The following RUNDC3B variants were observed in gnomAD, a reference collection of about 807,000 sequenced individuals.
RUNDC3B encodes RUN domain-containing protein 3B.
A neutral mutation model predicts 58.4 loss-of-function variants in RUNDC3B; 33 were observed. The observed-to-expected ratio is 0.56, with a 90% CI of 0.43 to 0.75. RUNDC3B has a LOEUF of 0.75. Among genes scored for constraint, RUNDC3B ranks in the 30% least tolerant of loss-of-function variants. The pLI, the probability that RUNDC3B is intolerant of heterozygous loss-of-function variation, is 0.00. For missense variants in RUNDC3B, 501 were observed against 535.7 expected (o/e 0.94, Z 0.64); for synonymous variants, 193 against 195.2 (o/e 0.99, Z 0.10).
chr7:87,733,334 C>T (rs1423700482), intron 4 of RUNDC3B, among the ~76,000 whole-genome samples: 1 of 152,198 alleles, frequency 6.6e-6, no homozygotes, highest in Non-Finnish European at 1.5e-5. Flanking sequence ...TGTCTTTACA[C>T]AATCCTGCAT....
intron 6 of RUNDC3B, among the ~76,000 whole-genome samples, chr7:87,750,058 G>A (rs1832876287): frequency 6.6e-6 from 1 of 151,710 alleles, no homozygotes. Context: ...GTCCCAGAGT[G>A]TGATGTTCCC....
chr7:87,799,110 C>T (rs554684150), intron 8 of RUNDC3B, among the ~76,000 whole-genome samples: 2 of 152,282 alleles, frequency 1.3e-5, no homozygotes, highest in African/African-American at 4.8e-5. Flanking sequence ...CATTACTCCT[C>T]TTGGTATTAA....
intron 6 of RUNDC3B, among the ~76,000 whole-genome samples, chr7:87,756,877 A>T (rs1361982993): frequency 6.6e-6 from 1 of 152,094 alleles, no homozygotes; most frequent in African/African-American, 2.4e-5. Context: ...TAATAATTAG[A>T]TAATACCCTC....
intron 4 of RUNDC3B, among the ~76,000 whole-genome samples, chr7:87,735,604 T>C (rs1175270574): frequency 2.0e-5 from 3 of 152,204 alleles, no homozygotes; most frequent in Non-Finnish European, 2.9e-5. Context: ...GTTAAGAAGA[T>C]GACTCATGTA....
chr7:87,737,769 AT>A (rs921743315), intron 4 of RUNDC3B, among the ~76,000 whole-genome samples: 1 of 151,800 alleles, frequency 6.6e-6, no homozygotes, highest in East Asian at 1.9e-4. Flanking sequence ...TTAAGATATG[AT>A]TTTTTTCAGT....
At chr7:87,822,030 A>C (rs1039191051) in intron 10 of RUNDC3B, among the ~76,000 whole-genome samples, 50 of 151,942 alleles carry the variant, frequency 3.3e-4, no homozygotes, top group African/African-American at 1.2e-3. Context: ...CAAAAGCCAA[A>C]ATTGACAAAT....
intron 8 of RUNDC3B, 140 bp from the exon 9 acceptor site, chr7:87,807,233 C>T (rs1836483422): frequency 1.5e-6 from 1 of 652,568 alleles, no homozygotes; most frequent in African/African-American, 1.8e-5. Context: ...TCCCAACCAT[C>T]CTTGCTGTAG....
In RUNDC3B at chr7:87,628,585, GT is replaced by G. The variant is rs1402464955; in HGVS notation, c.-238del. On this transcript the variant is annotated 5_prime_UTR_variant, in exon 1 of 11. Coordinates refer to ENST00000394654, the MANE Select transcript of RUNDC3B (RefSeq NM_001134405.2). ...GAGGGCGGAGGTGGTGCGTGCGTGC[GT>G]GTGTGTGTGTGTGTGTGTGTGTGTG... The G allele has an allele frequency of 1.3e-3, 7 of 5,454 alleles. No individual in the cohort carries two copies. Among genetic ancestry groups the G allele is most frequent in the Non-Finnish European group, 1.0e-3 (3 of 2,896 alleles). 0.3% of individuals were successfully genotyped at this position (5,454 alleles called of 1,614,324 possible).
intron 2 of RUNDC3B, among the ~76,000 whole-genome samples, chr7:87,690,722 A>ATCAT (rs1463009171): frequency 1.3e-4 from 20 of 152,284 alleles, no homozygotes; most frequent in African/African-American, 4.8e-4. Flanking sequence ...CAGTATTAGT[A>ATCAT]ATAGAATATG....
At chr7:87,634,495 G>C (rs1443360007) in intron 1 of RUNDC3B, among the ~76,000 whole-genome samples, 1 of 29,206 alleles carries the variant, frequency 3.4e-5, no homozygotes, top group Non-Finnish European at 8.3e-5. Context: ...GGTGGGGGGT[G>C]GGGGGGGGGG....
At chr7:87,731,030 C>T (rs1831545453) in intron 4 of RUNDC3B, among the ~76,000 whole-genome samples, 1 of 152,098 alleles carries the variant, frequency 6.6e-6, no homozygotes, top group South Asian at 2.1e-4. Context: ...CTTCCTGATG[C>T]CTACGTGGCT....
At chr7:87,730,155 C>T (rs1233716625) in intron 4 of RUNDC3B, among the ~76,000 whole-genome samples, 1 of 152,182 alleles carries the variant, frequency 6.6e-6, no homozygotes, top group Non-Finnish European at 1.5e-5. Flanking sequence ...TGCACATTCT[C>T]ATCTGTGGGA....
chr7:87,730,717 T>C (rs1314610325), intron 4 of RUNDC3B, among the ~76,000 whole-genome samples: 2 of 151,848 alleles, frequency 1.3e-5, no homozygotes, highest in African/African-American at 4.8e-5. Context: ...TGAGAAAACA[T>C]AAGTGGTAGC....
At chr7:87,656,175 T>G (rs1824081444) in intron 2 of RUNDC3B, among the ~76,000 whole-genome samples, 1 of 152,158 alleles carries the variant, frequency 6.6e-6, no homozygotes, top group South Asian at 2.1e-4. Flanking sequence ...ATTTGTTAAT[T>G]AGTACAATTT....
At chr7:87,654,807 C>T (rs1185360018) in intron 2 of RUNDC3B, among the ~76,000 whole-genome samples, 3 of 152,048 alleles carry the variant, frequency 2.0e-5, no homozygotes, top group East Asian at 1.9e-4. Context: ...AACCACACAT[C>T]GGATAAGGGG....
chr7:87,827,343 C>G (rs564558364), intron 10 of RUNDC3B, among the ~76,000 whole-genome samples: 151 of 152,114 alleles, frequency 9.9e-4, no homozygotes, highest in African/African-American at 3.5e-3. Flanking sequence ...CAAAATTAGC[C>G]AGGTGCGGTG....
chr7:87,659,648 G>T (rs1247395631), intron 2 of RUNDC3B, among the ~76,000 whole-genome samples: 2 of 152,102 alleles, frequency 1.3e-5, no homozygotes, highest in East Asian at 3.9e-4. Flanking sequence ...TTATAGTGTA[G>T]ATACAGTTTG....
chr7:87,723,017 G>T (rs757637713), intron 4 of RUNDC3B, among the ~76,000 whole-genome samples: 4 of 152,072 alleles, frequency 2.6e-5, no homozygotes, highest in Non-Finnish European at 5.9e-5. Flanking sequence ...GATTCTCACA[G>T]TTGTCAATGA....
At chr7:87,747,159 G>T (rs556349563) in intron 6 of RUNDC3B, among the ~76,000 whole-genome samples, 5 of 152,268 alleles carry the variant, frequency 3.3e-5, no homozygotes, top group Admixed American at 2.6e-4. Flanking sequence ...TTTGTCCCAC[G>T]GGGTGTTCCC....
Sources: gnomAD v4.1 joint callset for allele counts (sites outside exome capture counted in the v4.1 genomes callset) on GRCh38, gnomAD v4.1.1 for gene constraint, MANE v1.5 for transcripts, NCBI Gene and HGNC (gene_info 2026-07-23, HGNC 2026-07-21) for gene names.